SLC24A2: variants seen among roughly 807,000 people sequenced by gnomAD.
SLC24A2 encodes solute carrier family 24 member 2.
Under a neutral mutation model 62.0 loss-of-function variants are expected in SLC24A2, and 36 were observed. That is an observed-to-expected ratio of 0.58 (90% confidence interval 0.44 to 0.77). The LOEUF is 0.77. Among genes scored for constraint, SLC24A2 ranks in the 30% least tolerant of loss-of-function variants. SLC24A2 has a pLI of 0.00. For synonymous variants in SLC24A2, 358 were observed against 294.0 expected, an observed-to-expected ratio of 1.22 and a Z score of -2.23; for missense variants, 846 against 817.9, an observed-to-expected ratio of 1.03 and a Z score of -0.42.
the SLC24A2 span, among the ~76,000 whole-genome samples, chr9:19,916,985 T>TG: frequency 6.8e-6 from 1 of 146,224 alleles, no homozygotes; most frequent in African/African-American, 2.5e-5. Flanking sequence ...TTACCTGTTT[T>TG]TTTTTTTTTT....
the SLC24A2 span, among the ~76,000 whole-genome samples, chr9:19,835,885 A>C: frequency 2.3e-4 from 35 of 152,354 alleles, no homozygotes; most frequent in South Asian, 1.9e-3. Context: ...TCTCTTAGAC[A>C]ACAGTGCAAT....
chr9:19,545,028 C>A (rs1234611823), intron 8 of SLC24A2, among the ~76,000 whole-genome samples: 1 of 152,126 alleles, frequency 6.6e-6, no homozygotes. Context: ...TGTTTTCCAA[C>A]TTGGTTCCAT....
chr9:20,249,899 G>A, the SLC24A2 span, among the ~76,000 whole-genome samples: 1 of 152,112 alleles, frequency 6.6e-6, no homozygotes, highest in African/African-American at 2.4e-5. Context: ...AGACTCATCT[G>A]TATAGATTCT....
At position 19,515,903 on chromosome 9, in the gene SLC24A2, G is replaced by A. The variant is rs1300031982; in HGVS notation, c.*250C>T. The A allele has an allele frequency of 6.0e-6, 3 of 497,802 alleles. No homozygotes were observed. Among genetic ancestry groups the A allele is most frequent in the African/African-American group, 3.9e-5 (2 of 51,490 alleles). 30.8% of individuals were successfully genotyped at this position (497,802 alleles called of 1,614,324 possible). Reference sequence around the variant, plus strand: ...CCAGCGAGGTGTACTTGTCAGTGGTGAATAGGGAGAAGCCCTGTATTGACG... The same window carrying A: ...CCAGCGAGGTGTACTTGTCAGTGGTAAATAGGGAGAAGCCCTGTATTGACG... On this transcript the variant is annotated 3_prime_UTR_variant, in exon 11 of 11. Coordinates refer to ENST00000341998, the MANE Select transcript of SLC24A2 (RefSeq NM_020344.4).
intron 8 of SLC24A2, among the ~76,000 whole-genome samples, chr9:19,532,078 CTTTA>C (rs796365417): frequency 1.7e-4 from 26 of 152,014 alleles, no homozygotes; most frequent in Admixed American, 3.3e-4. Context: ...ATCCCATATA[CTTTA>C]TTTATTTATT....
intron 9 of SLC24A2, 85 bp downstream of exon 9, chr9:19,527,964 G>T: frequency 1.2e-6 from 1 of 848,264 alleles, no homozygotes; most frequent in South Asian, 1.4e-5. Context: ...TGTGGCAGTT[G>T]CAGAAAGCAA....
chr9:19,837,377 G>A, the SLC24A2 span, among the ~76,000 whole-genome samples: 19 of 143,300 alleles, frequency 1.3e-4, 1 homozygote, highest in Non-Finnish European at 2.0e-4. Flanking sequence ...GCGTGAACCC[G>A]GGAAGTGGAG....
chr9:19,781,951 T>G (rs923201653), intron 2 of SLC24A2, among the ~76,000 whole-genome samples: 1 of 152,228 alleles, frequency 6.6e-6, no homozygotes. Context: ...CCAAAGAACA[T>G]TAATCACAAT....
chr9:19,526,649 C>T (rs1833458735), intron 9 of SLC24A2, among the ~76,000 whole-genome samples: 1 of 152,076 alleles, frequency 6.6e-6, no homozygotes, highest in African/African-American at 2.4e-5. Flanking sequence ...TGCGTATTTT[C>T]TTTGGTGAAA....
intron 9 of SLC24A2, among the ~76,000 whole-genome samples, chr9:19,526,130 T>C (rs1002445009): frequency 6.6e-6 from 1 of 152,228 alleles, no homozygotes; most frequent in Admixed American, 6.5e-5. Flanking sequence ...ACTGGCTTTT[T>C]TCACTTAGCA....
the SLC24A2 span, among the ~76,000 whole-genome samples, chr9:19,948,888 G>A: frequency 1.3e-5 from 2 of 151,640 alleles, no homozygotes; most frequent in African/African-American, 2.4e-5. Flanking sequence ...CTAACAAAAG[G>A]TGGGGTCTCA....
At chr9:19,808,781 C>T in the SLC24A2 span, among the ~76,000 whole-genome samples, 1,355 of 152,268 alleles carry the variant, frequency 8.9e-3, 21 homozygotes, top group African/African-American at 0.031. The surrounding 1 kb of genome is among the most constrained non-coding windows in gnomAD (Gnocchi z 4.1). Context: ...ACTTTCTTCC[C>T]TTTTATGGGC....
At chr9:19,758,311 G>C (rs563205965) in intron 2 of SLC24A2, among the ~76,000 whole-genome samples, 1 of 152,276 alleles carries the variant, frequency 6.6e-6, no homozygotes, top group Admixed American at 6.5e-5. Context: ...CCTGAACTAA[G>C]TCTGTGAAGA....
the SLC24A2 span, among the ~76,000 whole-genome samples, chr9:19,984,277 A>G: frequency 1.3e-5 from 2 of 152,152 alleles, no homozygotes; most frequent in Non-Finnish European, 2.9e-5. Context: ...GGGGCTCTAA[A>G]TAGCTAGAAT....
At chr9:20,039,293 C>G in the SLC24A2 span, among the ~76,000 whole-genome samples, 1 of 152,028 alleles carries the variant, frequency 6.6e-6, no homozygotes, top group Non-Finnish European at 1.5e-5. Flanking sequence ...TGGGCCTGTC[C>G]TGGTGTACTG....
intron 6 of SLC24A2, among the ~76,000 whole-genome samples, chr9:19,576,537 A>C (rs1214745899): frequency 6.6e-6 from 1 of 151,824 alleles, no homozygotes; most frequent in African/African-American, 2.4e-5. Context: ...CAGAAAGGGG[A>C]CTCTCACCTT....
At chr9:19,609,969 C>T (rs1837102250) in intron 4 of SLC24A2, among the ~76,000 whole-genome samples, 1 of 152,210 alleles carries the variant, frequency 6.6e-6, no homozygotes, top group African/African-American at 2.4e-5. Context: ...CGGTCATGCT[C>T]ACCCACTGGC....
At chr9:19,629,237 G>A (rs1818113172) in intron 2 of SLC24A2, among the ~76,000 whole-genome samples, 1 of 152,172 alleles carries the variant, frequency 6.6e-6, no homozygotes, top group South Asian at 2.1e-4. Context: ...CTGGGGAAAT[G>A]AGAAAGTGGC....
chr9:20,106,627 G>A, the SLC24A2 span, among the ~76,000 whole-genome samples: 14 of 152,168 alleles, frequency 9.2e-5, no homozygotes, highest in Admixed American at 6.6e-4. Context: ...ATGCAGAAAA[G>A]GCCTTTGACA....
Sources: allele counts gnomAD v4.1 joint callset (sites outside exome capture counted in the v4.1 genomes callset), GRCh38; gene constraint gnomAD v4.1.1; non-coding constraint Gnocchi (gnomAD v3.1); transcripts MANE v1.5; gene names NCBI Gene and HGNC (gene_info 2026-07-23, HGNC 2026-07-21).